The following GIGYF2 variants were observed in gnomAD, a reference collection of about 807,000 sequenced individuals.
The protein encoded by GIGYF2 is GRB10-interacting GYF protein 2.
In GIGYF2, 25 loss-of-function variants were observed where a neutral mutation model predicts 208.1. That is an observed-to-expected ratio of 0.12 (90% CI 0.09 to 0.17). The LOEUF is 0.17. Among genes scored for constraint, GIGYF2 ranks in the 10% least tolerant of loss-of-function variants. The pLI, the probability that GIGYF2 is intolerant of heterozygous loss-of-function variation, is 1.00. For synonymous variants in GIGYF2, 534 were observed against 543.8 expected (o/e 0.98, Z 0.25); for missense variants, 1,302 against 1,579.4 (o/e 0.82, Z 2.98).
intron 2 of GIGYF2, among the ~76,000 whole-genome samples, chr2:232,706,416 G>A (rs1190755532): frequency 6.6e-6 from 1 of 152,174 alleles, no homozygotes; most frequent in East Asian, 1.9e-4. Flanking sequence ...GGTTGAGGCT[G>A]GAGGATCACT....
At chr2:232,841,512 A>T in intron 23 of GIGYF2, among the ~76,000 whole-genome samples, 1 of 147,002 alleles carries the variant, frequency 6.8e-6, no homozygotes, top group Non-Finnish European at 1.5e-5. Flanking sequence ...ACGGAGTTTC[A>T]CCATGTTGGC....
chr2:232,797,488 C>CT (rs992580489), intron 14 of GIGYF2, among the ~76,000 whole-genome samples: 3 of 49,220 alleles, frequency 6.1e-5, no homozygotes, highest in Non-Finnish European at 1.1e-4. Flanking sequence ...GAGAGCAGGG[C>CT]TTGTGTGTGT....
At chr2:232,788,940 A>G (rs1200143983) in intron 9 of GIGYF2, among the ~76,000 whole-genome samples, 3 of 152,206 alleles carry the variant, frequency 2.0e-5, no homozygotes, top group Non-Finnish European at 4.4e-5. Flanking sequence ...ATTTTAAAAA[A>G]GAATACGATT....
chr2:232,794,632 C>T (rs2106367692), intron 12 of GIGYF2, 116 bp from the exon 13 acceptor site: 2 of 809,576 alleles, frequency 2.5e-6, no homozygotes, highest in East Asian at 2.4e-5. Context: ...CTGTTCATGA[C>T]AGGGCTCACG....
At chr2:232,744,542 C>G (rs747653525) in intron 3 of GIGYF2, among the ~76,000 whole-genome samples, 21 of 148,888 alleles carry the variant, frequency 1.4e-4, no homozygotes, top group Admixed American at 1.3e-4. Context: ...TTCTTTCTTT[C>G]TTTCTTTTTT....
At chr2:232,805,888 A>G (rs1202764508) in intron 14 of GIGYF2, among the ~76,000 whole-genome samples, 2 of 152,210 alleles carry the variant, frequency 1.3e-5, no homozygotes, top group Admixed American at 6.5e-5. Context: ...TCTATGTCAT[A>G]TATCATCAAT....
At chr2:232,761,498 C>G (rs1277335791) in intron 8 of GIGYF2, 62 bp downstream of exon 8, 148 of 934,066 alleles carry the variant, frequency 1.6e-4, no homozygotes, top group Non-Finnish European at 1.1e-5. Flanking sequence ...GTTACCTGCA[C>G]CTCTCCAGTA....
At chr2:232,749,190 G>A in intron 5 of GIGYF2, 108 bp downstream of exon 5, 1 of 760,168 alleles carries the variant, frequency 1.3e-6, no homozygotes, top group Non-Finnish European at 2.4e-6. Context: ...ATCCTCATAG[G>A]TCTGCTTTCT....
chr2:232,848,055 A>T (rs1702079236), intron 27 of GIGYF2, among the ~76,000 whole-genome samples: 1 of 152,206 alleles, frequency 6.6e-6, no homozygotes, highest in Non-Finnish European at 1.5e-5. Context: ...AATTTGAGCA[A>T]ATACTGAACC....
At chr2:232,746,086 T>C (rs994783599) in intron 3 of GIGYF2, among the ~76,000 whole-genome samples, 1 of 152,002 alleles carries the variant, frequency 6.6e-6, no homozygotes, top group African/African-American at 2.4e-5. Flanking sequence ...AGTGAGACCC[T>C]GTCTCTACAG....
chr2:232,841,902 C>T (rs1701827548), intron 23 of GIGYF2, among the ~76,000 whole-genome samples: 2 of 152,048 alleles, frequency 1.3e-5, no homozygotes, highest in Non-Finnish European at 2.9e-5. Flanking sequence ...CTCCTGTTTT[C>T]CATCTCTGTG....
intron 8 of GIGYF2, among the ~76,000 whole-genome samples, chr2:232,778,281 A>G (rs1699597011): frequency 6.6e-6 from 1 of 152,170 alleles, no homozygotes; most frequent in Non-Finnish European, 1.5e-5. Flanking sequence ...GATTTTATTA[A>G]ACTTAAAAGT....
chr2:232,823,326 A>C (rs937997232), intron 21 of GIGYF2, among the ~76,000 whole-genome samples: 2 of 150,436 alleles, frequency 1.3e-5, no homozygotes, highest in Non-Finnish European at 3.0e-5. Flanking sequence ...TGAGGGAGAG[A>C]TAGGTCTACA....
intron 22 of GIGYF2, 41 bp downstream of exon 22, chr2:232,833,134 A>AT (rs1318304682): frequency 7.1e-7 from 1 of 1,400,154 alleles, no homozygotes; most frequent in East Asian, 2.5e-5. Context: ...CCTTGCTAAC[A>AT]TTTTTTAGTT....
intron 27 of GIGYF2, among the ~76,000 whole-genome samples, chr2:232,849,109 G>T (rs959215560): frequency 1.1e-4 from 16 of 152,280 alleles, no homozygotes; most frequent in African/African-American, 3.9e-4. Flanking sequence ...TGGGTAATGG[G>T]CTAACAGGCA....
intron 21 of GIGYF2, among the ~76,000 whole-genome samples, chr2:232,822,954 G>A (rs1297884584): frequency 6.6e-6 from 1 of 151,956 alleles, no homozygotes; most frequent in African/African-American, 2.4e-5. Context: ...AAAATGTCCG[G>A]TATTTCACCA....
At chr2:232,781,566 T>G (rs1399491895) in intron 8 of GIGYF2, among the ~76,000 whole-genome samples, 2 of 152,078 alleles carry the variant, frequency 1.3e-5, no homozygotes, top group African/African-American at 4.8e-5. Flanking sequence ...TCTTAACCAT[T>G]TTTTTTTCAG....
At chr2:232,749,517 G>A (rs1318613345) in intron 5 of GIGYF2, among the ~76,000 whole-genome samples, 1 of 152,104 alleles carries the variant, frequency 6.6e-6, no homozygotes, top group Non-Finnish European at 1.5e-5. Flanking sequence ...GTGTGTCTGT[G>A]TGTGTGTGAG....
intron 8 of GIGYF2, among the ~76,000 whole-genome samples, chr2:232,765,040 T>C (rs1387550131): frequency 6.6e-5 from 10 of 152,222 alleles, no homozygotes; most frequent in Admixed American, 6.5e-4. Flanking sequence ...TCTACTATTA[T>C]ATAACTGCTA....
Sources: allele counts gnomAD v4.1 joint callset (sites outside exome capture counted in the v4.1 genomes callset), GRCh38; gene constraint gnomAD v4.1.1; transcripts MANE v1.5; gene names NCBI Gene and HGNC (gene_info 2026-07-23, HGNC 2026-07-21).